MEX3D: variants seen among roughly 807,000 people sequenced by gnomAD.
The protein encoded by MEX3D is mex-3 RNA binding family member D.
Under a neutral mutation model 6.3 loss-of-function variants are expected in MEX3D, and 4 were observed. That is an observed-to-expected ratio of 0.64 (90% CI 0.31 to 1.46). MEX3D has a LOEUF of 1.46. MEX3D is among the 40% of genes most tolerant of loss of function. The pLI, the probability that MEX3D is intolerant of heterozygous loss-of-function variation, is 0.07. For missense variants in MEX3D, 1,038 were observed against 994.4 expected (o/e 1.04, Z -0.59); for synonymous variants, 626 against 494.1 (o/e 1.27, Z -3.54).
chr19:1,555,839 C>A lies in MEX3D; in HGVS notation c.1680G>T (p.Thr560=), dbSNP rs1352330172. The A allele has an allele frequency of 3.0e-6, 4 of 1,342,788 alleles. No homozygotes were observed. The highest frequency in any genetic ancestry group is 8.2e-5 in the Admixed American group (2 of 24,464). 83.2% of individuals were successfully genotyped at this position (1,342,788 alleles called of 1,614,324 possible). A position where few individuals can be genotyped will look rare whatever the true frequency, so the allele number is the denominator to read the frequency against. ...VSFPGGAAFS[T]ATSLPSSPAA... is the part of the protein sequence containing the mutation. ...CGGGGCTGCTGGGCAGCGAGGTGGC[C>A]GTGGAGAAGGCGGCGCCGCCTGGGA... The change falls in exon 2 of 2, where the codon ACG becomes ACT. Residue 560 remains threonine, a synonymous_variant. Transcript: ENST00000402693.
At chr19:1,558,555 C>T (rs765370218) in intron 1 of MEX3D, among the ~76,000 whole-genome samples, 7 of 152,024 alleles carry the variant, frequency 4.6e-5, no homozygotes, top group Admixed American at 3.9e-4. Context: ...AGAGAGGAGA[C>T]GTTTCCATGG....
intron 1 of MEX3D, among the ~76,000 whole-genome samples, chr19:1,559,425 G>A (rs1227381546): frequency 1.3e-5 from 2 of 152,074 alleles, no homozygotes; most frequent in African/African-American, 2.4e-5. Context: ...GAGCCACCAC[G>A]CCCGGCCTAT....
At position 1,568,184 on chromosome 19, in the gene MEX3D, G is replaced by A. The variant is rs1033268540; in HGVS notation, c.-126C>T. On this transcript the variant is annotated 5_prime_UTR_variant, in exon 1 of 2. Transcript: ENST00000402693. ...TCCAGCGGCGGGGGCGGGCACGGGG[G>A]GCCGGGCGGGCGGGGCGGCGGCGGC... 1.0e-5 allele frequency: 8 copies of A among 798,506 alleles called. No individual in the cohort carries two copies. Among genetic ancestry groups the A allele is most frequent in the African/African-American group, 9.7e-5 (5 of 51,738 alleles). 49.5% of individuals were successfully genotyped at this position (798,506 alleles called of 1,614,324 possible).
At chr19:1,559,181 G>T (rs1191211384) in intron 1 of MEX3D, among the ~76,000 whole-genome samples, 2 of 152,024 alleles carry the variant, frequency 1.3e-5, no homozygotes, top group East Asian at 3.9e-4. Context: ...GCCCAGGCTG[G>T]AGTGCAGTGG....
In MEX3D at chr19:1,555,309, C is replaced by G; in HGVS notation, c.*254G>C. 1 of 1,587,852 alleles carries G rather than the reference C, an allele frequency of 6.3e-7. No homozygotes were observed. Among genetic ancestry groups the G allele is most frequent in the Non-Finnish European group, 8.6e-7 (1 of 1,164,354 alleles). Reference sequence around the variant, plus strand: ...AAAGTGCAAGCGGACCTTTTCTCTCCGGTTTATTGTAACCTGACCACTCAA... The same window carrying G: ...AAAGTGCAAGCGGACCTTTTCTCTCGGGTTTATTGTAACCTGACCACTCAA... On this transcript the variant is annotated 3_prime_UTR_variant, in exon 2 of 2. Transcript: ENST00000402693.
In MEX3D at chr19:1,555,694, T is replaced by C; in HGVS notation, c.1825A>G (p.Met609Val). The C allele has an allele frequency of 6.4e-7, 1 of 1,564,986 alleles. No individual in the cohort carries two copies. The highest frequency in any genetic ancestry group is 8.6e-7 in the Non-Finnish European group (1 of 1,160,020). ...ECVVCAEGEV[M>V]AALVPCGHNL... Reference sequence around the variant, plus strand: ...TGGCCGCAGGGGACCAGCGCAGCCATCACCTCGCCCTCGGCGCACACCACG... The same window carrying C: ...TGGCCGCAGGGGACCAGCGCAGCCACCACCTCGCCCTCGGCGCACACCACG... The change falls in exon 2 of 2, where the codon ATG becomes GTG. Residue 609 changes from methionine (M) to valine (V), a missense_variant. Around this residue, in one of 5 missense-constraint regions of MEX3D, gnomAD observed 581 missense variants for 516.2 expected, o/e 1.13. Transcript: ENST00000402693.
intron 1 of MEX3D, among the ~76,000 whole-genome samples, chr19:1,560,340 C>T (rs1163642162): frequency 3.3e-5 from 5 of 152,346 alleles, no homozygotes; most frequent in Admixed American, 6.5e-5. Context: ...GGAGGTGCCA[C>T]CCACAGATGG....
At position 1,568,271 on chromosome 19, in the gene MEX3D, T is replaced by TCGGCGGCGGCGGCGACGG. The variant is rs1465151507; in HGVS notation, c.-231_-214dup. Among the ~76,000 whole-genome samples the TCGGCGGCGGCGGCGACGG allele has an allele frequency of 7.6e-6, 1 of 130,886 alleles. No homozygotes were observed. The highest frequency in any genetic ancestry group is 1.6e-5 in the Non-Finnish European group (1 of 60,714). The allele number at this position is 130,886 out of a possible 152,430, so 85.9% of individuals were successfully genotyped here. On this transcript the variant is annotated 5_prime_UTR_variant, in exon 1 of 2. Coordinates refer to ENST00000402693, the MANE Select transcript of MEX3D (RefSeq NM_203304.4). Reference sequence around the variant, plus strand: ...CGGCGGCAGCGACTCTGGCTGCGGCTCGGCGGCGGCGGCGACGGCGGCGGC... The same window carrying TCGGCGGCGGCGGCGACGG: ...CGGCGGCAGCGACTCTGGCTGCGGCTCGGCGGCGGCGGCGACGGCGGCGGCGGCGGCGACGGCGGCGGC...
rs1914502831 is a variant in MEX3D, at chr19:1,555,502, C to T, written c.*61G>A. 10 of 1,515,576 alleles carry T rather than the reference C, an allele frequency of 6.6e-6. No individual in the cohort carries two copies. The South Asian group carries it at 1.1e-4, about 17-fold the overall frequency. The allele number at this position is 1,515,576 out of a possible 1,614,324, so 93.9% of individuals were successfully genotyped here. ...TCCCTCTCCCACCCCGGGTCCCGCCCCGTCTCCCGCGCCCACCCCTGGCCC... is the reference window on the plus strand; with the variant it reads ...TCCCTCTCCCACCCCGGGTCCCGCCTCGTCTCCCGCGCCCACCCCTGGCCC... On this transcript the variant is annotated 3_prime_UTR_variant, in exon 2 of 2. Coordinates refer to ENST00000402693, the MANE Select transcript of MEX3D (RefSeq NM_203304.4).
At chr19:1,560,222 G>A (rs1464821545) in intron 1 of MEX3D, among the ~76,000 whole-genome samples, 3 of 152,256 alleles carry the variant, frequency 2.0e-5, no homozygotes, top group Admixed American at 2.0e-4. Context: ...GCTCCTGGCA[G>A]CCACCCTGGC....
At position 1,565,339 on chromosome 19, in the gene MEX3D, C is replaced by T. The variant is rs192736083; in HGVS notation, c.595+2125G>A. Among the ~76,000 whole-genome samples, 300 of 152,198 alleles carry T rather than the reference C, an allele frequency of 2.0e-3. 1 individual carries two copies. The highest frequency in any genetic ancestry group is 3.0e-3 in the Admixed American group (46 of 15,272). ...GGCGGATCACTTGAGGTCGGGAGTT[C>T]GAGACCAGCCTGGACAACATGGTGA... On this transcript the variant is annotated intron_variant, in intron 1 of 1. Coordinates refer to ENST00000402693, the MANE Select transcript of MEX3D (RefSeq NM_203304.4).
Position 1,556,136 on chromosome 19 carries a change from C to T in MEX3D, c.1383G>A (p.Ala461=), listed in dbSNP as rs1247520894. The change falls in exon 2 of 2, where the codon GCG becomes GCA. Residue 461 remains alanine, a synonymous_variant. Transcript: ENST00000402693. This position sits in a 1 kb window ranked among gnomAD's most constrained non-coding sequence, Gnocchi z 7.5. ...CDFGFDFDFL[A]LDLTVPAAAT... ...CCGCGGCGGGCACGGTCAGGTCCAG[C>T]GCCAGGAAGTCGAAGTCGAAGCCGA... 3 of 1,472,446 alleles carry T rather than the reference C, an allele frequency of 2.0e-6. No individual in the cohort carries two copies. Among genetic ancestry groups the T allele is most frequent in the South Asian group, 1.2e-5 (1 of 81,676 alleles). 91.2% of individuals were successfully genotyped at this position (1,472,446 alleles called of 1,614,324 possible).
chr19:1,556,320 C>T lies in MEX3D; in HGVS notation c.1199G>A (p.Ser400Asn). Residue 400 changes from serine (S) to asparagine (N), a missense_variant, in exon 2 of 2, where the codon AGC (serine) becomes AAC (asparagine). By Grantham distance (46) the Ser-to-Asn change is conservative. Around this residue, in one of 5 missense-constraint regions of MEX3D, gnomAD observed 581 missense variants for 516.2 expected, o/e 1.13. Coordinates refer to ENST00000402693, the MANE Select transcript of MEX3D (RefSeq NM_203304.4). This position sits in a 1 kb window ranked among gnomAD's most constrained non-coding sequence, Gnocchi z 7.5. ...LRGDTALGAP[S>N]APEAFYAGSR... ...GCCCGCGTAGAAGGCCTCGGGGGCG[C>T]TGGGGGCGCCCAGGGCCGTGTCCCC... The T allele has an allele frequency of 7.5e-7, 1 of 1,331,676 alleles. No homozygotes were observed. The highest frequency in any genetic ancestry group is 9.6e-7 in the Non-Finnish European group (1 of 1,046,776). The allele number at this position is 1,331,676 out of a possible 1,614,324, so 82.5% of individuals were successfully genotyped here. A position where few individuals can be genotyped will look rare whatever the true frequency, so the allele number is the denominator to read the frequency against.
Position 1,556,683 on chromosome 19 carries a change from C to A in MEX3D, c.836G>T (p.Arg279Leu), listed in dbSNP as rs1914575266. The change falls in exon 2 of 2, where the codon CGC becomes CTC. Residue 279 changes from arginine to leucine, a missense_variant. This residue lies in a region of MEX3D where 65 missense variants were observed against 109.3 expected (regional missense o/e 0.59). Transcript: ENST00000402693. This position sits in a 1 kb window ranked among gnomAD's most constrained non-coding sequence, Gnocchi z 7.5. ...NLPGQTTIQV[R>L]VPYRVVGLVV... ...CAGCCCCACCACCCGGTAGGGCACG[C>A]GCACCTGGATGGTGGTCTGTCCGGG... 6.2e-7 allele frequency: 1 copy of A among 1,610,792 alleles called. No homozygotes were observed. Among genetic ancestry groups the A allele is most frequent in the Admixed American group, 1.7e-5 (1 of 59,908 alleles).
At chr19:1,557,892 A>G (rs1374073641) in intron 1 of MEX3D, among the ~76,000 whole-genome samples, 1 of 144,088 alleles carries the variant, frequency 6.9e-6, no homozygotes, top group Non-Finnish European at 1.5e-5. Context: ...AAAAAAAAAA[A>G]AAAAGCCGCA....
Position 1,556,083 on chromosome 19 carries a change from G to A in MEX3D, c.1436C>T (p.Ala479Val), listed in dbSNP as rs1212085237. 7.0e-7 allele frequency: 1 copy of A among 1,432,928 alleles called. No homozygotes were observed. The highest frequency in any genetic ancestry group is 1.3e-5 in the South Asian group (1 of 78,254). 88.8% of individuals were successfully genotyped at this position (1,432,928 alleles called of 1,614,324 possible). A position where few individuals can be genotyped will look rare whatever the true frequency, so the allele number is the denominator to read the frequency against. ...GCCGCTGAAGGCGGGCAAGGGGGCG[G>A]CGCGCTCAAAAGGCGCCCAGATGGT... Reference protein sequence around the residue: ...AATIWAPFERAAPLPAFSGCS... With the variant: ...AATIWAPFERVAPLPAFSGCS... Residue 479 changes from alanine (A) to valine (V), a missense_variant, in exon 2 of 2, where the codon GCC (alanine) becomes GTC (valine). Physicochemically the swap from Ala to Val is moderately conservative, Grantham distance 64. Around this residue, in one of 5 missense-constraint regions of MEX3D, gnomAD observed 581 missense variants for 516.2 expected, o/e 1.13. Coordinates refer to ENST00000402693, the MANE Select transcript of MEX3D (RefSeq NM_203304.4). This position sits in a 1 kb window ranked among gnomAD's most constrained non-coding sequence, Gnocchi z 7.5.
chr19:1,555,516 C>G lies in MEX3D; in HGVS notation c.*47G>C. 1.3e-6 allele frequency: 2 copies of G among 1,525,668 alleles called. No individual in the cohort carries two copies. The allele number at this position is 1,525,668 out of a possible 1,614,324, so 94.5% of individuals were successfully genotyped here. A position where few individuals can be genotyped will look rare whatever the true frequency, so the allele number is the denominator to read the frequency against. On this transcript the variant is annotated 3_prime_UTR_variant, in exon 2 of 2. Transcript: ENST00000402693. ...CGGGTCCCGCCCCGTCTCCCGCGCC[C>G]ACCCCTGGCCCCCGCAGATGGCCCC...
At chr19:1,558,450 C>A (rs1207146688) in intron 1 of MEX3D, among the ~76,000 whole-genome samples, 2 of 152,086 alleles carry the variant, frequency 1.3e-5, no homozygotes, top group African/African-American at 2.4e-5. Flanking sequence ...GCAGTGATGT[C>A]TCTACAAGCC....
chr19:1,566,058 G>A (rs1045316547), intron 1 of MEX3D, among the ~76,000 whole-genome samples: 4 of 152,198 alleles, frequency 2.6e-5, no homozygotes, highest in Admixed American at 6.5e-5. Context: ...CAGACACTCC[G>A]CACAGGGCAG....
Sources: allele counts gnomAD v4.1 joint callset (sites outside exome capture counted in the v4.1 genomes callset), GRCh38; gene constraint gnomAD v4.1.1; regional missense constraint gnomAD v4.1.1; non-coding constraint Gnocchi (gnomAD v3.1); transcripts MANE v1.5; gene names NCBI Gene and HGNC (gene_info 2026-07-23, HGNC 2026-07-21).